Variants in SHISA6 observed in about 807,000 individuals in gnomAD.
SHISA6 encodes the protein shisa family member 6.
SHISA6 carries 22 observed loss-of-function variants against 47.9 expected under a neutral mutation model. The observed-to-expected ratio is 0.46, with a 90% CI of 0.33 to 0.66. The LOEUF (loss-of-function observed/expected upper bound fraction) is 0.66, where lower values mean the gene tolerates loss of function less well. Among genes scored for constraint, SHISA6 ranks in the 30% least tolerant of loss-of-function variants. SHISA6 has a pLI of 0.02. For missense variants in SHISA6, 680 were observed against 764.6 expected, an observed-to-expected ratio of 0.89 and a Z score of 1.30; for synonymous variants, 388 against 337.8, an observed-to-expected ratio of 1.15 and a Z score of -1.63.
intron 3 of SHISA6, among the ~76,000 whole-genome samples, chr17:11,492,967 G>A (rs2071377073): frequency 6.6e-6 from 1 of 152,174 alleles, no homozygotes; most frequent in African/African-American, 2.4e-5. Context: ...CTCAGCGTCA[G>A]TAGCAAGGGA....
chr17:11,350,211 G>C (rs963337916), intron 2 of SHISA6, among the ~76,000 whole-genome samples: 1 of 105,672 alleles, frequency 9.5e-6, no homozygotes, highest in Non-Finnish European at 1.8e-5. Context: ...ACGGAGTCTC[G>C]CTCTGTCGCC....
At chr17:11,302,595 G>A (rs1029278584) in intron 2 of SHISA6, among the ~76,000 whole-genome samples, 5 of 152,222 alleles carry the variant, frequency 3.3e-5, no homozygotes. Flanking sequence ...AAGCAAGAGA[G>A]AGAGGGAGAG....
chr17:11,415,926 C>T (rs781318403), intron 3 of SHISA6, among the ~76,000 whole-genome samples: 47 of 152,136 alleles, frequency 3.1e-4, no homozygotes, highest in Non-Finnish European at 6.6e-4. Flanking sequence ...AGCTAAAAGC[C>T]CAGGATCGAG....
intron 2 of SHISA6, among the ~76,000 whole-genome samples, chr17:11,334,987 C>A (rs895609900): frequency 6.6e-6 from 1 of 152,220 alleles, no homozygotes; most frequent in African/African-American, 2.4e-5. Flanking sequence ...GGCAGAGATA[C>A]CTGAGACACT....
In SHISA6 at chr17:11,347,194, A is replaced by G. The variant is rs532440013; in HGVS notation, c.800-32220A>G. On this transcript the variant is annotated intron_variant, in intron 2 of 5. Coordinates refer to ENST00000441885, the MANE Select transcript of SHISA6 (RefSeq NM_207386.4). ...AGAGTTGGGCATCATTTTTTGAGGG[A>G]AAAAAAAAAAGGATATCCACAAAGA... is the stretch of plus-strand genomic sequence containing the variant. 1.9e-3 allele frequency among the ~76,000 whole-genome samples: 269 copies of G among 143,950 alleles called. 1 individual carries two copies. The highest frequency in any genetic ancestry group is 6.6e-3 in the African/African-American group (251 of 38,192). The allele number at this position is 143,950 out of a possible 152,430, so 94.4% of individuals were successfully genotyped here.
intron 2 of SHISA6, among the ~76,000 whole-genome samples, chr17:11,323,515 G>A (rs545525927): frequency 2.2e-4 from 34 of 152,006 alleles, no homozygotes; most frequent in African/African-American, 6.8e-4. Context: ...TTAACCGGAC[G>A]TGGTGGCGCA....
rs900976964 is a variant in SHISA6 at position 11,398,375 on chromosome 17, G to A, written c.895+18866G>A. On this transcript the variant is annotated intron_variant, in intron 3 of 5. Transcript: ENST00000441885. ...CCTCTGATTTTTTTGGTCCTCTTTC[G>A]TCTTACAGGATGCCACTACTCCCCA... Among the ~76,000 whole-genome samples the A allele has an allele frequency of 6.6e-5, 10 of 151,932 alleles. No homozygotes were observed. The East Asian group carries it at 9.6e-4, about 15-fold the overall frequency.
At chr17:11,396,912 A>T (rs1366357761) in intron 3 of SHISA6, among the ~76,000 whole-genome samples, 1 of 152,156 alleles carries the variant, frequency 6.6e-6, no homozygotes, top group East Asian at 1.9e-4. Context: ...GTAAAATTTT[A>T]AAAAAAGAAT....
chr17:11,305,599 G>A (rs781412391), intron 2 of SHISA6, among the ~76,000 whole-genome samples: 3 of 152,214 alleles, frequency 2.0e-5, no homozygotes, highest in Admixed American at 6.5e-5. Flanking sequence ...TCAAGAAATC[G>A]GAAGTTTCTC....
At chr17:11,246,926 T>C (rs1268307604) in intron 1 of SHISA6, among the ~76,000 whole-genome samples, 1 of 152,204 alleles carries the variant, frequency 6.6e-6, no homozygotes, top group African/African-American at 2.4e-5. Context: ...GTCACATTGC[T>C]CACTGTCTTC....
chr17:11,357,793 C>G (rs1363025827), intron 2 of SHISA6, among the ~76,000 whole-genome samples: 2 of 152,142 alleles, frequency 1.3e-5, no homozygotes, highest in Non-Finnish European at 2.9e-5. Flanking sequence ...GTAATTATTT[C>G]CCTTGGATAG....
intron 3 of SHISA6, among the ~76,000 whole-genome samples, chr17:11,475,842 C>A (rs143094651): frequency 4.5e-4 from 68 of 152,060 alleles, no homozygotes; most frequent in African/African-American, 1.3e-3. Flanking sequence ...ATCTCTGAGA[C>A]AGATTGTAGG....
At chr17:11,389,893 G>C (rs796854015) in intron 3 of SHISA6, among the ~76,000 whole-genome samples, 1 of 152,142 alleles carries the variant, frequency 6.6e-6, no homozygotes, top group Admixed American at 6.5e-5. Context: ...AAGCTATGGG[G>C]CTAAGTCAAA....
intron 3 of SHISA6, among the ~76,000 whole-genome samples, chr17:11,533,965 C>G (rs1459270017): frequency 8.5e-6 from 1 of 117,914 alleles, no homozygotes; most frequent in Non-Finnish European, 1.7e-5. Flanking sequence ...AGTATTTATT[C>G]TAACTTTTTT....
chr17:11,425,006 CAAAA>C (rs34270452), intron 3 of SHISA6, among the ~76,000 whole-genome samples: 1 of 70,050 alleles, frequency 1.4e-5, no homozygotes, highest in African/African-American at 5.3e-5. Flanking sequence ...TACTCCGTCT[CAAAA>C]AAAAAAAAAA....
At chr17:11,279,764 C>T (rs150507500) in intron 2 of SHISA6, among the ~76,000 whole-genome samples, 25 of 151,590 alleles carry the variant, frequency 1.6e-4, no homozygotes, top group East Asian at 7.8e-4. Flanking sequence ...TATCCATAGC[C>T]GTAAGGTCAC....
Position 11,428,348 on chromosome 17 carries a change from A to G in SHISA6, c.895+48839A>G, listed in dbSNP as rs969164988. On this transcript the variant is annotated intron_variant, in intron 3 of 5. Transcript: ENST00000441885. ...TATAACGGCGAAGGCAGAGTTCGGCATGAGCAAATTTGCAGTCAAAGGAGG... is the reference window on the plus strand; with the variant it reads ...TATAACGGCGAAGGCAGAGTTCGGCGTGAGCAAATTTGCAGTCAAAGGAGG... 5.9e-5 allele frequency among the ~76,000 whole-genome samples: 9 copies of G among 152,230 alleles called. No individual in the cohort carries two copies. The East Asian group carries it at 1.7e-3, about 29-fold the overall frequency.
At chr17:11,383,707 T>C (rs1429648752) in intron 3 of SHISA6, among the ~76,000 whole-genome samples, 3 of 152,170 alleles carry the variant, frequency 2.0e-5, no homozygotes, top group African/African-American at 7.2e-5. Flanking sequence ...CCTCTTACTA[T>C]CTCCTTCTAA....
At chr17:11,545,363 A>G (rs1484405830) in intron 3 of SHISA6, among the ~76,000 whole-genome samples, 1 of 152,178 alleles carries the variant, frequency 6.6e-6, no homozygotes, top group African/African-American at 2.4e-5. Flanking sequence ...TGAACGATTT[A>G]TTGGTTGCCA....
Sources: allele counts gnomAD v4.1 joint callset (sites outside exome capture counted in the v4.1 genomes callset), GRCh38; gene constraint gnomAD v4.1.1; transcripts MANE v1.5; gene names NCBI Gene and HGNC (gene_info 2026-07-23, HGNC 2026-07-21).